The following ATR variants were observed in gnomAD, a reference collection of about 807,000 sequenced individuals.
ATR encodes the protein serine/threonine-protein kinase ATR.
ATR carries 142 observed loss-of-function variants against 305.3 expected under a neutral mutation model. The ratio of observed to expected loss-of-function variants is 0.47; its 90% CI spans 0.41 to 0.53. The LOEUF is 0.53. Among genes scored for constraint, ATR ranks in the 20% least tolerant of loss-of-function variants. The pLI is 0.00. For missense variants in ATR, 2,135 were observed against 3,133.1 expected, an observed-to-expected ratio of 0.68 and a Z score of 7.60; for synonymous variants, 1,050 against 1,068.1, an observed-to-expected ratio of 0.98 and a Z score of 0.33.
intron 3 of ATR, 116 bp downstream of exon 3, chr3:142,566,005 T>A: frequency 7.1e-7 from 1 of 1,413,496 alleles, no homozygotes; most frequent in Non-Finnish European, 9.9e-7. Context: ...TCCTTCAATT[T>A]ATAGCAAAGC....
chr3:142,450,660 G>A, intron 46 of ATR: 1 of 1,603,682 alleles, frequency 6.2e-7, no homozygotes, highest in South Asian at 1.1e-5. Context: ...TAGATGGTCA[G>A]TATTATGCAA....
At position 142,505,307 on chromosome 3, in the gene ATR, T is replaced by C. The variant is rs1423335030; in HGVS notation, c.5032-4A>G. 1.9e-6 allele frequency: 3 copies of C among 1,613,454 alleles called. No homozygotes were observed. The highest frequency in any genetic ancestry group is 2.2e-5 in the South Asian group (2 of 91,038). On this transcript the variant is annotated splice_polypyrimidine_tract_variant and splice_region_variant and intron_variant, in intron 28 of 46. Transcript: ENST00000350721. ...CATGCATAGCAGCATACAATTTCTT[T>C]GTTCAATGATTAAAAAACAATCAAA...
chr3:142,538,858 A>G (rs2033954091), intron 18 of ATR, among the ~76,000 whole-genome samples: 1 of 152,190 alleles, frequency 6.6e-6, no homozygotes, highest in Non-Finnish European at 1.5e-5. Flanking sequence ...ATAATAAAAA[A>G]AAAGTATGTG....
At chr3:142,480,862 C>A (rs376033983) in intron 36 of ATR, among the ~76,000 whole-genome samples, 20 of 152,292 alleles carry the variant, frequency 1.3e-4, no homozygotes, top group African/African-American at 4.8e-4. Flanking sequence ...GAGAGAGGCT[C>A]CGTGGGCATG....
intron 21 of ATR, among the ~76,000 whole-genome samples, chr3:142,533,793 A>C (rs932175750): frequency 7.2e-5 from 11 of 152,164 alleles, no homozygotes; most frequent in African/African-American, 2.7e-4. Context: ...AGACTCCTAC[A>C]AGTACACTTC....
intron 36 of ATR, among the ~76,000 whole-genome samples, chr3:142,473,375 T>C (rs2071343882): frequency 6.6e-6 from 1 of 152,162 alleles, no homozygotes; most frequent in Admixed American, 6.6e-5. Flanking sequence ...GCATTGTGGG[T>C]TCTTGGCACC....
chr3:142,463,650 G>A (rs1447445281), intron 41 of ATR, among the ~76,000 whole-genome samples: 1 of 152,184 alleles, frequency 6.6e-6, no homozygotes, highest in African/African-American at 2.4e-5. Flanking sequence ...GCCCGCCTCA[G>A]CTGGGATTAC....
intron 12 of ATR, 49 bp from the exon 13 acceptor site, chr3:142,553,447 CACACACACACAT>C (rs2034551711): frequency 1.3e-6 from 2 of 1,540,206 alleles, no homozygotes; most frequent in African/African-American, 1.4e-5. Flanking sequence ...CACACACACA[CACACACACACAT>C]ACACACACAT....
chr3:142,507,813 C>G (rs889567447), intron 28 of ATR, 118 bp downstream of exon 28: 1 of 958,750 alleles, frequency 1.0e-6, no homozygotes, highest in Non-Finnish European at 1.6e-6. Context: ...TATCTCTCCC[C>G]ACTAATCTAT....
At chr3:142,554,657 C>G (rs902459081) in intron 10 of ATR, among the ~76,000 whole-genome samples, 1 of 152,202 alleles carries the variant, frequency 6.6e-6, no homozygotes, top group African/African-American at 2.4e-5. Flanking sequence ...AGTGGTGACT[C>G]ATACCTGTAA....
In ATR at chr3:142,493,315, A is replaced by C; in HGVS notation, c.5899-4T>G. On this transcript the variant is annotated splice_region_variant and splice_polypyrimidine_tract_variant and intron_variant, in intron 34 of 46. Transcript: ENST00000350721. The stretch of plus-strand genomic sequence containing the variant: ...TTAGTGCCTGGTGAACATCACCCTA[A>C]AAGAAAAAAGGCAACAATAAGCCTT... 6.2e-7 allele frequency: 1 copy of C among 1,609,748 alleles called. No individual in the cohort carries two copies. The highest frequency in any genetic ancestry group is 1.3e-5 in the African/African-American group (1 of 74,916).
chr3:142,578,029 A>G (rs563415284), intron 1 of ATR, among the ~76,000 whole-genome samples: 1 of 151,904 alleles, frequency 6.6e-6, no homozygotes, highest in Non-Finnish European at 1.5e-5. Context: ...CCAGGGGTCT[A>G]TCTCTCCAAT....
intron 10 of ATR, among the ~76,000 whole-genome samples, chr3:142,554,230 T>TA (rs1221776182): frequency 2.0e-5 from 3 of 152,028 alleles, no homozygotes; most frequent in Non-Finnish European, 4.4e-5. Context: ...AATGTCACTT[T>TA]TTTTTTTTGA....
rs909189495 is a variant in ATR, at chr3:142,560,409, T to G, written c.1395A>C (p.Ala465=). ...GAAGGGATTCAGCTTTCTGTTTCAG[T>G]GCACTCCATAATATGCTCTTTTGGT... is the stretch of plus-strand genomic sequence containing the variant. The part of the protein sequence containing the change: ...DMNQKSILWS[A]LKQKAESLQI... Residue 465 remains alanine (A), a synonymous_variant, in exon 6 of 47, where the codon GCA becomes GCC. Coordinates refer to ENST00000350721, the MANE Select transcript of ATR (RefSeq NM_001184.4). The G allele has an allele frequency of 1.9e-6, 3 of 1,613,642 alleles. No homozygotes were observed. In the East Asian group the frequency reaches 6.7e-5, roughly 36 times the overall value.
intron 1 of ATR, among the ~76,000 whole-genome samples, chr3:142,572,161 G>A (rs1352930377): frequency 4.0e-5 from 6 of 149,568 alleles, no homozygotes; most frequent in African/African-American, 7.4e-5. Flanking sequence ...CCTCCGCCTC[G>A]CAGCTTCAAG....
At chr3:142,454,592 C>T (rs1434795585) in intron 45 of ATR, among the ~76,000 whole-genome samples, 3 of 151,512 alleles carry the variant, frequency 2.0e-5, no homozygotes, top group Non-Finnish European at 4.4e-5. Flanking sequence ...CAGGCGCCCG[C>T]CACCTCGCCC....
In ATR at chr3:142,514,896, G is replaced by A. The variant is rs375392307; in HGVS notation, c.4503+499C>T. On this transcript the variant is annotated intron_variant, in intron 25 of 46. Transcript: ENST00000350721. ...TGTAAACATTTTCTTGGAACACAGA[G>A]TACCTTTTGTCTATCCAGCATGTAA... Among the ~76,000 whole-genome samples, 13 of 151,266 alleles carry A rather than the reference G, an allele frequency of 8.6e-5. No individual in the cohort carries two copies. The South Asian group carries it at 2.3e-3, about 27-fold the overall frequency.
At chr3:142,529,673 A>G (rs975230965) in intron 21 of ATR, among the ~76,000 whole-genome samples, 1 of 152,118 alleles carries the variant, frequency 6.6e-6, no homozygotes, top group Non-Finnish European at 1.5e-5. Flanking sequence ...CATACATGAT[A>G]CTCTAAGGAC....
rs1431768486 is a variant in ATR at position 142,508,053 on chromosome 3, G to T, written c.4909C>A (p.Pro1637Thr). The T allele has an allele frequency of 6.2e-7, 1 of 1,613,208 alleles. No individual in the cohort carries two copies. ...QSVTRFLDLI[P>T]QDTLAVASFR... ...GAAGCTACTGCCAGAGTATCCTGGG[G>T]TATGAGGTCTAGAAAACGGGTTACA... Residue 1637 changes from proline (P) to threonine (T), a missense_variant, in exon 28 of 47, where the codon CCC becomes ACC. Pro to Thr is a conservative substitution (Grantham distance 38). Transcript: ENST00000350721.
Sources: allele counts gnomAD v4.1 joint callset (sites outside exome capture counted in the v4.1 genomes callset), GRCh38; gene constraint gnomAD v4.1.1; transcripts MANE v1.5; gene names NCBI Gene and HGNC (gene_info 2026-07-23, HGNC 2026-07-21).